Variants in MYT1L observed in about 807,000 individuals in gnomAD.
The protein encoded by MYT1L is myelin transcription factor 1-like protein.
Under a neutral mutation model 126.7 loss-of-function variants are expected in MYT1L, and 12 were observed. That is an observed-to-expected ratio of 0.09 (90% CI 0.06 to 0.15). The LOEUF is 0.15. Ranked by LOEUF, MYT1L falls within the 10% of genes least tolerant of loss-of-function variation. The pLI is 1.00. For synonymous variants in MYT1L, 541 were observed against 604.2 expected (o/e 0.90, Z 1.53); for missense variants, 979 against 1,585.2 (o/e 0.62, Z 6.49).
At chr2:1,957,559 T>C (rs1349387348) in intron 8 of MYT1L, among the ~76,000 whole-genome samples, 1 of 152,072 alleles carries the variant, frequency 6.6e-6, no homozygotes, top group Non-Finnish European at 1.5e-5. Flanking sequence ...TCTCTCCCTC[T>C]CCCCATCTAT....
intron 5 of MYT1L, among the ~76,000 whole-genome samples, chr2:1,996,855 TAGTG>T (rs1332057175): frequency 1.4e-5 from 2 of 141,778 alleles, no homozygotes; most frequent in Non-Finnish European, 1.5e-5. Flanking sequence ...CGCCTTTACC[TAGTG>T]AGTGAGGGCC....
intron 2 of MYT1L, among the ~76,000 whole-genome samples, chr2:2,241,529 C>T (rs2094440527): frequency 6.6e-6 from 1 of 152,212 alleles, no homozygotes; most frequent in African/African-American, 2.4e-5. Context: ...ACATGTTGCA[C>T]TCCAGCCACG....
intron 1 of MYT1L, among the ~76,000 whole-genome samples, chr2:2,299,693 T>G (rs899569563): frequency 7.2e-5 from 11 of 152,232 alleles, no homozygotes; most frequent in Non-Finnish European, 1.0e-4. Context: ...GTTAATCACA[T>G]GTTTTTCTTC....
Position 1,839,268 on chromosome 2 carries a change from G to A in MYT1L, c.2961C>T (p.Asp987=), listed in dbSNP as rs942823146. 9 of 1,613,812 alleles carry A rather than the reference G, an allele frequency of 5.6e-6. No homozygotes were observed. The highest frequency in any genetic ancestry group is 3.3e-5 in the Admixed American group (2 of 60,038). Residue 987 remains aspartate, a synonymous_variant, in exon 21 of 25, where the codon GAC becomes GAT. Transcript: ENST00000647738. ...AGAACTGGGAGCCATTCAGGTACCCGTCTTTCTGCCTCTTGGCCGCCAAGG... is the reference window on the plus strand; with the variant it reads ...AGAACTGGGAGCCATTCAGGTACCCATCTTTCTGCCTCTTGGCCGCCAAGG... ...GCPLAAKRQK[D]GYLNGSQFSW...
chr2:2,004,611 A>ATTCTTTCCTGTGTGCC (rs1254243459), intron 4 of MYT1L, among the ~76,000 whole-genome samples: 1 of 84,906 alleles, frequency 1.2e-5, no homozygotes, highest in Admixed American at 1.1e-4. Flanking sequence ...TCCTGCAGGC[A>ATTCTTTCCTGTGTGCC]TTCTTTCCTG....
At chr2:2,213,449 T>C (rs1373340922) in intron 2 of MYT1L, among the ~76,000 whole-genome samples, 1 of 152,106 alleles carries the variant, frequency 6.6e-6, no homozygotes, top group Non-Finnish European at 1.5e-5. Context: ...CAACATAATA[T>C]TGACCAGCAC....
chr2:1,828,557 G>A (rs2039687928), intron 21 of MYT1L: 1 of 152,262 alleles, frequency 6.6e-6, no homozygotes, highest in African/African-American at 2.4e-5. Flanking sequence ...GTCCAGCACT[G>A]TGATGTGTGT....
chr2:1,980,408 T>C (rs1305998649), intron 5 of MYT1L, among the ~76,000 whole-genome samples: 3 of 151,684 alleles, frequency 2.0e-5, no homozygotes, highest in Non-Finnish European at 4.4e-5. Flanking sequence ...CAAGAGGCTG[T>C]AGGTACAGTG....
chr2:2,218,034 G>C (rs2093744423), intron 2 of MYT1L, among the ~76,000 whole-genome samples: 1 of 152,160 alleles, frequency 6.6e-6, no homozygotes, highest in Admixed American at 6.5e-5. Context: ...CCTACTAACT[G>C]TTAGAATGCT....
At chr2:2,139,701 TC>T (rs2083656928) in intron 3 of MYT1L, among the ~76,000 whole-genome samples, 1 of 152,030 alleles carries the variant, frequency 6.6e-6, no homozygotes, top group Non-Finnish European at 1.5e-5. Context: ...CCGGGAGACG[TC>T]CGCACTGCAC....
chr2:2,084,117 T>C lies in MYT1L; in HGVS notation c.-303-29994A>G, dbSNP rs146951722. Among the ~76,000 whole-genome samples, 404 of 146,852 alleles carry C rather than the reference T, an allele frequency of 2.8e-3. 2 individuals carry two copies. The highest frequency in any genetic ancestry group is 9.6e-3 in the African/African-American group (378 of 39,362). On this transcript the variant is annotated intron_variant, in intron 3 of 24. Coordinates refer to ENST00000647738, the MANE Select transcript of MYT1L (RefSeq NM_001303052.2). ...GTAAGCCCATGTGCTGATGACTTCC[T>C]ATACTCATTTTAGTATAGACTGAGA...
rs538877634 is a variant in MYT1L at position 2,002,728 on chromosome 2, C to T, written c.-157-5381G>A. Among the ~76,000 whole-genome samples, 5 of 152,266 alleles carry T rather than the reference C, an allele frequency of 3.3e-5. No individual in the cohort carries two copies. In the South Asian group the frequency reaches 1.0e-3, roughly 32 times the overall value. The stretch of plus-strand genomic sequence containing the variant: ...AATTGTAATCTTGAATTGTAATCCC[C>T]ATAGTCCCCACATGTCAAGGGTGGC... On this transcript the variant is annotated intron_variant, in intron 4 of 24. Coordinates refer to ENST00000647738, the MANE Select transcript of MYT1L (RefSeq NM_001303052.2).
chr2:2,271,730 G>A (rs556883098), intron 2 of MYT1L, among the ~76,000 whole-genome samples: 4 of 152,134 alleles, frequency 2.6e-5, no homozygotes, highest in Non-Finnish European at 5.9e-5. Context: ...GGCCACACTC[G>A]CCCTGTCCTC....
intron 3 of MYT1L, among the ~76,000 whole-genome samples, chr2:2,150,620 T>C (rs1295658914): frequency 6.6e-6 from 1 of 152,204 alleles, no homozygotes; most frequent in Non-Finnish European, 1.5e-5. Flanking sequence ...ATGATAATAA[T>C]TTATTTTGAT....
At chr2:2,024,623 C>G (rs148975333) in intron 4 of MYT1L, among the ~76,000 whole-genome samples, 1 of 152,190 alleles carries the variant, frequency 6.6e-6, no homozygotes, top group Admixed American at 6.5e-5. Flanking sequence ...ATATCCAGGC[C>G]GGCTTTGTTG....
chr2:1,965,701 C>T (rs763509726), intron 8 of MYT1L, among the ~76,000 whole-genome samples: 8 of 152,234 alleles, frequency 5.3e-5, no homozygotes, highest in Non-Finnish European at 1.0e-4. Flanking sequence ...GAAGGCCCCG[C>T]CATCATCCTG....
chr2:2,046,625 C>A (rs2068219050), intron 4 of MYT1L, among the ~76,000 whole-genome samples: 1 of 152,144 alleles, frequency 6.6e-6, no homozygotes, highest in African/African-American at 2.4e-5. Flanking sequence ...AGGTAGAGAC[C>A]AGTAGCTCGT....
In MYT1L at chr2:1,820,348, TCC is replaced by T. The variant is rs1031607211; in HGVS notation, c.3081-11183_3081-11182del. Among the ~76,000 whole-genome samples, 34 of 152,312 alleles carry T rather than the reference TCC, an allele frequency of 2.2e-4. No individual in the cohort carries two copies. The South Asian group carries it at 3.9e-3, about 18-fold the overall frequency. ...TTGTCTCTCACTTTGTCTCTGTTTG[TCC>T]CTCTCTTTCTCTGTATCCCCACTCC... On this transcript the variant is annotated intron_variant, in intron 21 of 24. Transcript: ENST00000647738.
chr2:2,249,203 G>A (rs527776085), intron 2 of MYT1L, among the ~76,000 whole-genome samples: 24 of 151,732 alleles, frequency 1.6e-4, no homozygotes, highest in African/African-American at 5.1e-4. Flanking sequence ...ACACAAATAA[G>A]TTGCATTTTT....
Sources: gnomAD v4.1 joint callset for allele counts (sites outside exome capture counted in the v4.1 genomes callset) on GRCh38, gnomAD v4.1.1 for gene constraint, MANE v1.5 for transcripts, NCBI Gene and HGNC (gene_info 2026-07-23, HGNC 2026-07-21) for gene names.